The following DRC11 variants were observed in gnomAD, a reference collection of about 807,000 sequenced individuals.
DRC11 encodes the protein dynein regulatory complex subunit 11.
chr2:236,427,287 C>T, the DRC11 span, among the ~76,000 whole-genome samples: 1 of 152,180 alleles, frequency 6.6e-6, no homozygotes, highest in East Asian at 1.9e-4. This position sits in a 1 kb window ranked among gnomAD's most constrained non-coding sequence, Gnocchi z 5.9. Context: ...TTATGCTGGC[C>T]TCATAAATGA....
the DRC11 span, among the ~76,000 whole-genome samples, chr2:236,351,203 C>T: frequency 1.3e-5 from 2 of 152,102 alleles, no homozygotes; most frequent in African/African-American, 2.4e-5. The surrounding 1 kb of genome is among the most constrained non-coding windows in gnomAD (Gnocchi z 7.3). Flanking sequence ...ATGCAGGGTC[C>T]CTGACCTCCA....
the DRC11 span, among the ~76,000 whole-genome samples, chr2:236,459,817 A>T: frequency 6.6e-6 from 1 of 151,816 alleles, no homozygotes; most frequent in Non-Finnish European, 1.5e-5. Context: ...CTATCTTGCG[A>T]ATGTTCTACA....
the DRC11 span, among the ~76,000 whole-genome samples, chr2:236,358,318 C>A: frequency 5.6e-4 from 70 of 125,312 alleles, no homozygotes; most frequent in African/African-American, 1.5e-3. Context: ...TAGATATATA[C>A]TATATGAATA....
the DRC11 span, among the ~76,000 whole-genome samples, chr2:236,481,626 T>C: frequency 6.6e-6 from 1 of 151,872 alleles, no homozygotes; most frequent in African/African-American, 2.4e-5. Context: ...TAAATGTGTG[T>C]TTTTTTTCTA....
At chr2:236,318,916 C>G in the DRC11 span, among the ~76,000 whole-genome samples, 1 of 152,122 alleles carries the variant, frequency 6.6e-6, no homozygotes, top group Non-Finnish European at 1.5e-5. This position sits in a 1 kb window ranked among gnomAD's most constrained non-coding sequence, Gnocchi z 7.0. Context: ...ATGGTGGGCA[C>G]CAGGCTGGCC....
the DRC11 span, among the ~76,000 whole-genome samples, chr2:236,445,300 T>C: frequency 6.6e-6 from 1 of 152,118 alleles, no homozygotes; most frequent in Non-Finnish European, 1.5e-5. This position sits in a 1 kb window ranked among gnomAD's most constrained non-coding sequence, Gnocchi z 4.8. Context: ...TACATTATCA[T>C]GGTGCTTTTG....
At chr2:236,437,531 T>G in the DRC11 span, among the ~76,000 whole-genome samples, 1 of 151,556 alleles carries the variant, frequency 6.6e-6, no homozygotes, top group South Asian at 2.1e-4. Context: ...ACTTCCACAA[T>G]GGTTGAACTA....
At chr2:236,356,987 T>A in the DRC11 span, among the ~76,000 whole-genome samples, 3 of 111,460 alleles carry the variant, frequency 2.7e-5, no homozygotes, top group Non-Finnish European at 3.8e-5. Context: ...TCATATATTA[T>A]ATATCTATAT....
chr2:236,450,524 T>C, the DRC11 span, among the ~76,000 whole-genome samples: 1 of 152,030 alleles, frequency 6.6e-6, no homozygotes, highest in Non-Finnish European at 1.5e-5. Context: ...TTTACCATGT[T>C]GGTCAGGATG....
At chr2:236,496,191 T>A in the DRC11 span, among the ~76,000 whole-genome samples, 1 of 152,228 alleles carries the variant, frequency 6.6e-6, no homozygotes, top group African/African-American at 2.4e-5. The surrounding 1 kb of genome is among the most constrained non-coding windows in gnomAD (Gnocchi z 6.3). Context: ...CTCTTATAGA[T>A]GAATGCAATA....
chr2:236,323,443 A>T, the DRC11 span, among the ~76,000 whole-genome samples: 4 of 152,200 alleles, frequency 2.6e-5, no homozygotes, highest in Admixed American at 6.5e-5. The surrounding 1 kb of genome is among the most constrained non-coding windows in gnomAD (Gnocchi z 6.4). Flanking sequence ...GGGGACACTC[A>T]GGAGGAGGAT....
the DRC11 span, among the ~76,000 whole-genome samples, chr2:236,425,258 T>C: frequency 3.9e-5 from 6 of 152,024 alleles, no homozygotes; most frequent in Admixed American, 3.9e-4. Flanking sequence ...AATGGCTGTG[T>C]TAATTTACAT....
At chr2:236,370,321 G>C in the DRC11 span, among the ~76,000 whole-genome samples, 1 of 152,330 alleles carries the variant, frequency 6.6e-6, no homozygotes, top group South Asian at 2.1e-4. This position sits in a 1 kb window ranked among gnomAD's most constrained non-coding sequence, Gnocchi z 5.5. Flanking sequence ...GCGATTTAGT[G>C]AGGCATTTGC....
At chr2:236,497,379 T>A in the DRC11 span, 1 of 1,613,954 alleles carries the variant, frequency 6.2e-7, no homozygotes, top group Non-Finnish European at 8.5e-7. The surrounding 1 kb of genome is among the most constrained non-coding windows in gnomAD (Gnocchi z 5.1). Flanking sequence ...TGGCTAATGT[T>A]TGAAAGATGA....
the DRC11 span, among the ~76,000 whole-genome samples, chr2:236,327,806 C>T: frequency 3.3e-5 from 5 of 152,190 alleles, no homozygotes; most frequent in African/African-American, 4.8e-5. Flanking sequence ...CCTCAGCCTC[C>T]GGAGTAGCTG....
the DRC11 span, among the ~76,000 whole-genome samples, chr2:236,441,732 T>G: frequency 1.8e-4 from 28 of 152,340 alleles, no homozygotes; most frequent in East Asian, 2.1e-3. Context: ...TTATATTTAT[T>G]GTACGTAAGA....
the DRC11 span, among the ~76,000 whole-genome samples, chr2:236,479,070 G>A: frequency 4.0e-4 from 61 of 152,108 alleles, 1 homozygote; most frequent in East Asian, 0.01. This position sits in a 1 kb window ranked among gnomAD's most constrained non-coding sequence, Gnocchi z 4.1. Context: ...AATGATCCAC[G>A]CACCTTGGCC....
At chr2:236,507,174 G>A in the DRC11 span, 1 of 1,418,628 alleles carries the variant, frequency 7.0e-7, no homozygotes, top group Non-Finnish European at 9.9e-7. Context: ...AAAGAAAAAA[G>A]AAAATAAGAG....
the DRC11 span, among the ~76,000 whole-genome samples, chr2:236,418,025 G>A: frequency 1.3e-5 from 2 of 152,154 alleles, no homozygotes; most frequent in East Asian, 3.9e-4. Context: ...TGTAAATAGT[G>A]CTGCAGTAAA....
Sources: gnomAD v4.1 joint callset for allele counts (sites outside exome capture counted in the v4.1 genomes callset) on GRCh38, gnomAD v4.1.1 for gene constraint, Gnocchi (gnomAD v3.1) non-coding constraint, MANE v1.5 for transcripts, NCBI Gene and HGNC (gene_info 2026-07-23, HGNC 2026-07-21) for gene names.